Variants in PSMG4 observed in about 807,000 individuals in gnomAD.
PSMG4 encodes proteasome (prosome, macropain) assembly chaperone 4.
PSMG4 carries 10 observed loss-of-function variants against 11.0 expected under a neutral mutation model. The ratio of observed to expected loss-of-function variants is 0.91; its 90% confidence interval spans 0.56 to 1.54. PSMG4 has a LOEUF of 1.54. PSMG4 is among the 40% of genes most tolerant of loss of function. The pLI, the probability that PSMG4 is intolerant of heterozygous loss-of-function variation, is 0.00. For synonymous variants in PSMG4, 95 were observed against 71.3 expected, an observed-to-expected ratio of 1.33 and a Z score of -1.68; for missense variants, 198 against 160.9, an observed-to-expected ratio of 1.23 and a Z score of -1.25.
chr6:3,256,937 C>T (rs760110438), upstream of PSMG4, among the ~76,000 whole-genome samples: 4 of 127,218 alleles, frequency 3.1e-5, no homozygotes, highest in East Asian at 2.3e-4. Flanking sequence ...TCTTTGGAGA[C>T]GCATCACAGA....
At chr6:3,260,289 ATAT>A (rs1561840936) in intron 1 of PSMG4, among the ~76,000 whole-genome samples, 1 of 31,072 alleles carries the variant, frequency 3.2e-5, no homozygotes, top group Non-Finnish European at 6.7e-5. Context: ...ATATATATAT[ATAT>A]TTTTTTTTTT....
rs1240702297 is a variant in PSMG4 at position 3,267,805 on chromosome 6, G to A, written c.*93G>A. On this transcript the variant is annotated 3_prime_UTR_variant, in exon 3 of 3. Coordinates refer to ENST00000438998, the MANE Select transcript of PSMG4 (RefSeq NM_001128591.2). ...CAGTTTGTCATCAGGCCGCGCTCCC[G>A]TTTTGTTTTTAAGGGGTTAATCTTT... is the stretch of plus-strand genomic sequence containing the variant. The A allele has an allele frequency of 6.7e-6, 9 of 1,348,366 alleles. No individual in the cohort carries two copies. Among genetic ancestry groups the A allele is most frequent in the East Asian group, 5.2e-5 (2 of 38,256 alleles). The allele number at this position is 1,348,366 out of a possible 1,614,324, so 83.5% of individuals were successfully genotyped here.
upstream of PSMG4, chr6:3,255,057 A>G (rs765445611): frequency 2.6e-6 from 4 of 1,550,616 alleles, no homozygotes; most frequent in South Asian, 3.6e-5. Flanking sequence ...ACAGGAACAA[A>G]CACACTTGGA....
At chr6:3,255,524 A>G (rs367949891), upstream of PSMG4, among the ~76,000 whole-genome samples, 224 of 152,282 alleles carry the variant, frequency 1.5e-3, no homozygotes, top group African/African-American at 5.0e-3. Context: ...CCCACTGCCC[A>G]TGAGTCTGTA....
At chr6:3,266,532 G>A (rs1006728373) in intron 2 of PSMG4, 3 of 152,140 alleles carry the variant, frequency 2.0e-5, no homozygotes, top group African/African-American at 7.2e-5. Context: ...CGCGCAGTGG[G>A]GCAGGCAACA....
chr6:3,254,523 G>C (rs942626950), upstream of PSMG4, among the ~76,000 whole-genome samples: 1 of 151,982 alleles, frequency 6.6e-6, no homozygotes, highest in Non-Finnish European at 1.5e-5. Context: ...TTTATGAGCT[G>C]TAACAATTAT....
intron 1 of PSMG4, among the ~76,000 whole-genome samples, chr6:3,259,708 C>G (rs11966843): frequency 0.1 from 15,399 of 152,190 alleles, 1,378 homozygotes; most frequent in African/African-American, 0.24. Context: ...GTCTTTGATT[C>G]CTCTTTCTTC....
upstream of PSMG4, among the ~76,000 whole-genome samples, chr6:3,254,496 T>TA (rs1757667809): frequency 6.6e-6 from 1 of 152,056 alleles, no homozygotes; most frequent in Non-Finnish European, 1.5e-5. Context: ...CTGGTGGTTT[T>TA]TTGTGTATGT....
upstream of PSMG4, among the ~76,000 whole-genome samples, chr6:3,256,997 T>TGG (rs913093067): frequency 2.4e-4 from 36 of 152,086 alleles, no homozygotes; most frequent in African/African-American, 8.0e-4. Flanking sequence ...AGAGCACAGG[T>TGG]GGATGGATTG....
At chr6:3,254,976 CTG>C, upstream of PSMG4, 2 of 1,423,848 alleles carry the variant, frequency 1.4e-6, no homozygotes, top group African/African-American at 2.1e-5. Flanking sequence ...TGTGATGTGG[CTG>C]TGGATCCCAT....
At position 3,263,553 on chromosome 6, in the gene PSMG4, C is replaced by T. The variant is rs748383642; in HGVS notation, c.175-131C>T. 1.8e-5 allele frequency: 13 copies of T among 723,914 alleles called. No individual in the cohort carries two copies. The East Asian group carries it at 3.3e-4, about 18-fold the overall frequency. 44.8% of individuals were successfully genotyped at this position (723,914 alleles called of 1,614,324 possible). A position where few individuals can be genotyped will look rare whatever the true frequency, so the allele number is the denominator to read the frequency against. On this transcript the variant is annotated intron_variant, in intron 1 of 2. Coordinates refer to ENST00000438998, the MANE Select transcript of PSMG4 (RefSeq NM_001128591.2). Reference sequence around the variant, plus strand: ...TGACGGACGCCACCCCTCTTTCCCTCGGCACCTGTGCCTGTCCTCTCTGAA... The same window carrying T: ...TGACGGACGCCACCCCTCTTTCCCTTGGCACCTGTGCCTGTCCTCTCTGAA...
chr6:3,264,965 A>G (rs952336557), intron 2 of PSMG4: 1 of 152,248 alleles, frequency 6.6e-6, no homozygotes, highest in African/African-American at 2.4e-5. Context: ...ATTCATATTT[A>G]TACAGACGGA....
upstream of PSMG4, chr6:3,255,337 C>CA: frequency 1.4e-6 from 2 of 1,469,666 alleles, no homozygotes; most frequent in East Asian, 2.5e-5. Context: ...CTGGTGGAGT[C>CA]ATTCTATGTA....
chr6:3,260,291 A>ATATATTTT lies in PSMG4; in HGVS notation c.174+1096_174+1097insATATTTTT. On this transcript the variant is annotated intron_variant, in intron 1 of 2. Coordinates refer to ENST00000438998, the MANE Select transcript of PSMG4 (RefSeq NM_001128591.2). ...TGTCTTAAATTGTATATATATATAT[A>ATATATTTT]TTTTTTTTTTTTTTTTTTGAAGCAA... Among the ~76,000 whole-genome samples the ATATATTTT allele has an allele frequency of 3.4e-3, 241 of 70,820 alleles. 5 individuals carry two copies. The highest frequency in any genetic ancestry group is 0.013 in the African/African-American group (229 of 18,320). The allele number at this position is 70,820 out of a possible 152,430, so 46.5% of individuals were successfully genotyped here.
At chr6:3,259,323 C>T (rs1472206695) in intron 1 of PSMG4, 127 bp downstream of exon 1, 1 of 897,936 alleles carries the variant, frequency 1.1e-6, no homozygotes, top group South Asian at 5.4e-5. Context: ...GAAGCCCACC[C>T]GTGGGATGTC....
intron 1 of PSMG4, 44 bp from the exon 2 acceptor site, chr6:3,263,640 C>G: frequency 1.4e-6 from 2 of 1,460,170 alleles, no homozygotes; most frequent in Non-Finnish European, 9.1e-7. Context: ...GGCTGGCCTG[C>G]GGGGGGTGGA....
chr6:3,257,753 A>G (rs1034315612), upstream of PSMG4, among the ~76,000 whole-genome samples: 1 of 151,398 alleles, frequency 6.6e-6, no homozygotes, highest in African/African-American at 2.5e-5. Context: ...TACTGAGGGC[A>G]GGAGGGAGTA....
chr6:3,258,421 C>G (rs1246259207), upstream of PSMG4, among the ~76,000 whole-genome samples: 1 of 152,192 alleles, frequency 6.6e-6, no homozygotes, highest in East Asian at 1.9e-4. Context: ...CTCCCAATAC[C>G]GTTGCCATTC....
At chr6:3,256,288 C>T (rs1022954315), upstream of PSMG4, among the ~76,000 whole-genome samples, 4 of 152,174 alleles carry the variant, frequency 2.6e-5, no homozygotes, top group South Asian at 2.1e-4. Context: ...TATATATATC[C>T]CAGTTATACA....
Sources: gnomAD v4.1 joint callset for allele counts (sites outside exome capture counted in the v4.1 genomes callset) on GRCh38, gnomAD v4.1.1 for gene constraint, MANE v1.5 for transcripts, NCBI Gene and HGNC (gene_info 2026-07-23, HGNC 2026-07-21) for gene names.